Variants in CEP20 observed in about 807,000 individuals in gnomAD.
CEP20 encodes the protein centrosomal protein 20.
Under a neutral mutation model 20.0 loss-of-function variants are expected in CEP20, and 18 were observed. The ratio of observed to expected loss-of-function variants is 0.90; its 90% CI spans 0.62 to 1.34. CEP20 has a LOEUF of 1.34. Among genes scored for constraint, CEP20 ranks in the 40% most tolerant of loss-of-function variants. The pLI is 0.00. For missense variants in CEP20, 215 were observed against 201.6 expected (o/e 1.07, Z -0.40); for synonymous variants, 77 against 73.7 (o/e 1.04, Z -0.23).
Position 15,867,535 on chromosome 16 carries a change from A to C in CEP20, c.449-19T>G. ...TGGTCATCTGAAATGCACAGAAACC[A>C]ATGTTAATACTTATCCCAAGTCAAA... On this transcript the variant is annotated intron_variant, in intron 4 of 4. Coordinates refer to ENST00000255759, the MANE Select transcript of CEP20 (RefSeq NM_144600.4). 1 of 1,570,956 alleles carries C rather than the reference A, an allele frequency of 6.4e-7. No individual in the cohort carries two copies. Among genetic ancestry groups the C allele is most frequent in the South Asian group, 1.1e-5 (1 of 87,480 alleles).
chr16:15,868,797 T>C (rs1205284680), intron 4 of CEP20, among the ~76,000 whole-genome samples: 1 of 152,166 alleles, frequency 6.6e-6, no homozygotes, highest in East Asian at 1.9e-4. Context: ...AAGGTAACAA[T>C]TTTAGGTCTT....
intron 2 of CEP20, among the ~76,000 whole-genome samples, chr16:15,882,003 C>T (rs577491125): frequency 2.0e-5 from 3 of 152,178 alleles, no homozygotes; most frequent in Admixed American, 6.5e-5. Context: ...TGGGACCTGG[C>T]GGGAGTTGTT....
intron 4 of CEP20, among the ~76,000 whole-genome samples, chr16:15,869,012 G>A (rs149467160): frequency 2.0e-5 from 3 of 151,480 alleles, no homozygotes; most frequent in East Asian, 3.9e-4. Context: ...AGGCTGCAGA[G>A]AGCCATGATT....
intron 3 of CEP20, among the ~76,000 whole-genome samples, chr16:15,879,412 C>T (rs1459616400): frequency 6.6e-6 from 1 of 152,058 alleles, no homozygotes; most frequent in Admixed American, 6.6e-5. Context: ...CTTTGGGAGG[C>T]CAAGGCAGGA....
chr16:15,869,894 T>G (rs554443169), intron 4 of CEP20, among the ~76,000 whole-genome samples: 1 of 152,014 alleles, frequency 6.6e-6, no homozygotes, highest in Non-Finnish European at 1.5e-5. Context: ...ACCAAGAAAA[T>G]AATTTGCAAA....
At chr16:15,870,770 C>T (rs2044794716) in intron 4 of CEP20, among the ~76,000 whole-genome samples, 1 of 151,692 alleles carries the variant, frequency 6.6e-6, no homozygotes, top group Admixed American at 6.6e-5. Context: ...ATGATTGTGC[C>T]ACTGCACTCC....
At chr16:15,887,905 C>T (rs1429001854) in intron 1 of CEP20, among the ~76,000 whole-genome samples, 1 of 151,570 alleles carries the variant, frequency 6.6e-6, no homozygotes, top group Non-Finnish European at 1.5e-5. Context: ...CAGTAAGACC[C>T]CGTGTCTACA....
rs758915210 is a variant in CEP20 at position 15,888,595 on chromosome 16, G to A, written c.-10C>T. 2.5e-6 allele frequency: 4 copies of A among 1,613,920 alleles called. No individual in the cohort carries two copies. Among genetic ancestry groups the A allele is most frequent in the Non-Finnish European group, 2.5e-6 (3 of 1,179,926 alleles). On this transcript the variant is annotated 5_prime_UTR_variant, in exon 1 of 5. Transcript: ENST00000255759. ...CTGCCACAGTCGCCATTTTTCAACG[G>A]CCGCCAGGGCCGCACCGCGGCCCTG...
chr16:15,871,041 T>A (rs971881353), intron 4 of CEP20, among the ~76,000 whole-genome samples: 2 of 152,056 alleles, frequency 1.3e-5, no homozygotes, highest in Non-Finnish European at 2.9e-5. Flanking sequence ...GGGGGGTGGA[T>A]TGCCTGAGGT....
chr16:15,874,883 G>A (rs2044906000), intron 3 of CEP20, among the ~76,000 whole-genome samples: 1 of 152,110 alleles, frequency 6.6e-6, no homozygotes, highest in Non-Finnish European at 1.5e-5. Flanking sequence ...CTGCCTTTGG[G>A]AGAAGTCAGA....
At chr16:15,869,472 A>C (rs1204122149) in intron 4 of CEP20, among the ~76,000 whole-genome samples, 1 of 151,892 alleles carries the variant, frequency 6.6e-6, no homozygotes, top group East Asian at 1.9e-4. Flanking sequence ...CACCACGTCC[A>C]GCTAATTTTT....
chr16:15,871,998 C>T (rs1208839677), intron 4 of CEP20, among the ~76,000 whole-genome samples: 1 of 152,152 alleles, frequency 6.6e-6, no homozygotes, highest in Non-Finnish European at 1.5e-5. Flanking sequence ...GCCTAAACCC[C>T]ACCTTTAACT....
chr16:15,878,968 T>TA (rs1379315303), intron 3 of CEP20, among the ~76,000 whole-genome samples: 3 of 150,900 alleles, frequency 2.0e-5, no homozygotes, highest in African/African-American at 4.9e-5. Context: ...GTTCTAGATT[T>TA]AAAAAAAGGC....
At position 15,866,531 on chromosome 16, in the gene CEP20, T is replaced by C. The variant is rs887828476; in HGVS notation, c.*909A>G. The C allele has an allele frequency of 3.9e-5, 6 of 152,240 alleles. No homozygotes were observed. The highest frequency in any genetic ancestry group is 1.4e-4 in the African/African-American group (6 of 41,460). 9.4% of individuals were successfully genotyped at this position (152,240 alleles called of 1,614,324 possible). ...AGCGTATTAGAGATAGCACATACTA[T>C]TTTTCTATCCCAAGAATAAAAATTG... On this transcript the variant is annotated 3_prime_UTR_variant, in exon 5 of 5. Transcript: ENST00000255759.
intron 3 of CEP20, among the ~76,000 whole-genome samples, chr16:15,875,854 T>C (rs2044930823): frequency 6.6e-6 from 1 of 152,014 alleles, no homozygotes; most frequent in Admixed American, 6.6e-5. Flanking sequence ...ATCCCAGCAC[T>C]TTGGGAGGCC....
At chr16:15,885,716 G>C (rs2045227671) in intron 1 of CEP20, 1 of 152,220 alleles carries the variant, frequency 6.6e-6, no homozygotes, top group Non-Finnish European at 1.5e-5. Context: ...AGACAACTAT[G>C]AGTTAATTCC....
chr16:15,867,574 T>C, intron 4 of CEP20, 58 bp from the exon 5 acceptor site: 2 of 1,098,332 alleles, frequency 1.8e-6, no homozygotes, highest in Non-Finnish European at 2.7e-6. Flanking sequence ...CACAGATAGG[T>C]AGACATAGCT....
chr16:15,887,904 C>A (rs2045282474), intron 1 of CEP20, among the ~76,000 whole-genome samples: 1 of 151,442 alleles, frequency 6.6e-6, no homozygotes, highest in Non-Finnish European at 1.5e-5. Context: ...ACAGTAAGAC[C>A]CCGTGTCTAC....
chr16:15,884,275 G>A, intron 1 of CEP20, 70 bp from the exon 2 acceptor site: 1 of 1,420,202 alleles, frequency 7.0e-7, no homozygotes. Context: ...ACTTTGAAAA[G>A]AAATGTTGAA....
Sources: gnomAD v4.1 joint callset for allele counts (sites outside exome capture counted in the v4.1 genomes callset) on GRCh38, gnomAD v4.1.1 for gene constraint, MANE v1.5 for transcripts, NCBI Gene and HGNC (gene_info 2026-07-23, HGNC 2026-07-21) for gene names.